The following SUN3 variants were observed in gnomAD, a reference collection of about 807,000 sequenced individuals.
The protein encoded by SUN3 is SUN domain-containing protein 3.
In SUN3, 36 loss-of-function variants were observed where a neutral mutation model predicts 48.2. That is an observed-to-expected ratio of 0.75 (90% confidence interval 0.57 to 0.99). SUN3 has a LOEUF of 0.99. Ranked by LOEUF, SUN3 falls within the 50% of genes least tolerant of loss-of-function variation. The pLI, the probability that SUN3 is intolerant of heterozygous loss-of-function variation, is 0.00. For missense variants in SUN3, 419 were observed against 433.1 expected, an observed-to-expected ratio of 0.97 and a Z score of 0.29; for synonymous variants, 148 against 147.9, an observed-to-expected ratio of 1.00 and a Z score of 0.00.
intron 5 of SUN3, among the ~76,000 whole-genome samples, chr7:48,006,254 C>T (rs1583761235): frequency 6.6e-6 from 1 of 152,140 alleles, no homozygotes. Context: ...TTCAGGAATA[C>T]GGTGTAAATA....
At chr7:48,009,391 A>G (rs1789620036) in intron 3 of SUN3, among the ~76,000 whole-genome samples, 1 of 152,154 alleles carries the variant, frequency 6.6e-6, no homozygotes, top group Admixed American at 6.5e-5. Context: ...GGAGGTTGGA[A>G]GAGGAAAAAA....
chr7:48,005,850 T>TCC (rs34145615), intron 6 of SUN3, 119 bp downstream of exon 6: 6,086 of 449,688 alleles, frequency 0.014, 370 homozygotes, highest in African/African-American at 0.12. Context: ...TTGATTAATT[T>TCC]CCCCCCCCCA....
rs900935800 is a variant in SUN3, at chr7:48,006,162, T to C, written c.493-109A>G. On this transcript the variant is annotated intron_variant, in intron 5 of 9. Transcript: ENST00000297325. ...CTAATTTGCAAAATTAGAATAGCAG[T>C]GAGCCCCTATCAGCTGCACTCTGAG... is the stretch of plus-strand genomic sequence containing the variant. 37 of 705,488 alleles carry C rather than the reference T, an allele frequency of 5.2e-5. 1 individual carries two copies. Among genetic ancestry groups the C allele is most frequent in the Non-Finnish European group, 8.9e-5 (36 of 405,382 alleles). The allele number at this position is 705,488 out of a possible 1,614,324, so 43.7% of individuals were successfully genotyped here.
At chr7:48,014,319 T>C (rs1427592469) in intron 3 of SUN3, among the ~76,000 whole-genome samples, 1 of 152,176 alleles carries the variant, frequency 6.6e-6, no homozygotes, top group Admixed American at 6.5e-5. Flanking sequence ...AAGGATGCCT[T>C]TTAAAAATGT....
At chr7:48,004,976 G>A (rs753943080) in intron 6 of SUN3, among the ~76,000 whole-genome samples, 11 of 152,196 alleles carry the variant, frequency 7.2e-5, no homozygotes, top group Non-Finnish European at 1.5e-4. Flanking sequence ...AACCAGAGCT[G>A]ACATTTGTTT....
chr7:48,025,520 G>A (rs1023306978), intron 2 of SUN3, among the ~76,000 whole-genome samples: 54 of 152,284 alleles, frequency 3.5e-4, no homozygotes, highest in African/African-American at 1.2e-3. Flanking sequence ...AGAGTCTCTG[G>A]TTGTCAAAAC....
Position 48,025,912 on chromosome 7 carries a change from A to G in SUN3, c.149T>C (p.Leu50Pro), listed in dbSNP as rs751926183. ...AAAAGTCAGTGTAAGCATTGTACTT[A>G]GAATAATCTTCCATGATCGAGTTAC... ...NGVTRSWKII[L>P]STMLTLTFLL... Residue 50 changes from leucine to proline, a missense_variant, in exon 2 of 10, where the codon CTA (leucine) becomes CCA (proline). Transcript: ENST00000297325. 8 of 1,603,130 alleles carry G rather than the reference A, an allele frequency of 5.0e-6. No individual in the cohort carries two copies. In the East Asian group the frequency reaches 1.6e-4, roughly 31 times the overall value.
chr7:47,995,740 C>G (rs2128771471), intron 7 of SUN3, among the ~76,000 whole-genome samples: 1 of 152,224 alleles, frequency 6.6e-6, no homozygotes, highest in East Asian at 1.9e-4. Flanking sequence ...GTCACAGAAT[C>G]AACTTACAGA....
upstream of SUN3, among the ~76,000 whole-genome samples, chr7:48,032,610 A>G (rs956753395): frequency 3.9e-5 from 6 of 152,230 alleles, no homozygotes; most frequent in African/African-American, 1.4e-4. Flanking sequence ...AATATATATC[A>G]AAAAAGGAAA....
the SUN3 span, among the ~76,000 whole-genome samples, chr7:48,034,888 T>C: frequency 6.6e-6 from 1 of 152,106 alleles, no homozygotes; most frequent in East Asian, 1.9e-4. Context: ...TCTCAAAAAA[T>C]AAGATATAAG....
chr7:48,016,329 A>G (rs1789812291), intron 3 of SUN3, among the ~76,000 whole-genome samples: 1 of 152,108 alleles, frequency 6.6e-6, no homozygotes, highest in Admixed American at 6.5e-5. Flanking sequence ...AGTAATAATA[A>G]AACTCCAGTA....
the SUN3 span, among the ~76,000 whole-genome samples, chr7:48,035,209 C>T: frequency 6.6e-6 from 1 of 152,198 alleles, no homozygotes; most frequent in Admixed American, 6.5e-5. This position sits in a 1 kb window ranked among gnomAD's most constrained non-coding sequence, Gnocchi z 4.0. Context: ...GCCAGAGCGG[C>T]ATGAGGAGGA....
chr7:47,991,355 C>T (rs1789053515), intron 8 of SUN3, among the ~76,000 whole-genome samples: 1 of 152,170 alleles, frequency 6.6e-6, no homozygotes, highest in South Asian at 2.1e-4. Context: ...AACGTGTTCA[C>T]CTTTCTGAGA....
chr7:48,030,484 T>C (rs1315720591), upstream of SUN3, among the ~76,000 whole-genome samples: 1 of 152,242 alleles, frequency 6.6e-6, no homozygotes, highest in Non-Finnish European at 1.5e-5. Flanking sequence ...ATATGTAATA[T>C]TTTATAGGTA....
chr7:48,016,388 C>G (rs143518083), intron 3 of SUN3, among the ~76,000 whole-genome samples: 248 of 152,284 alleles, frequency 1.6e-3, no homozygotes, highest in African/African-American at 5.7e-3. Context: ...GTTGCAATTC[C>G]CCTGTCTTGA....
chr7:47,998,064 G>A (rs1789260436), intron 6 of SUN3, among the ~76,000 whole-genome samples: 2 of 152,206 alleles, frequency 1.3e-5, no homozygotes, highest in African/African-American at 4.8e-5. Flanking sequence ...ATGTGAACAT[G>A]TTTCAATTTA....
chr7:48,001,783 G>A (rs1427349269), intron 6 of SUN3, among the ~76,000 whole-genome samples: 5 of 152,030 alleles, frequency 3.3e-5, no homozygotes, highest in African/African-American at 7.2e-5. Context: ...TGATCTGCCC[G>A]CCTCGGCCTC....
intron 6 of SUN3, among the ~76,000 whole-genome samples, chr7:47,999,832 G>A (rs1789311381): frequency 6.6e-6 from 1 of 152,210 alleles, no homozygotes; most frequent in African/African-American, 2.4e-5. Flanking sequence ...ACTGTGCCTG[G>A]CCTCCATTTT....
At chr7:47,998,345 T>A (rs2128772455) in intron 6 of SUN3, among the ~76,000 whole-genome samples, 1 of 152,346 alleles carries the variant, frequency 6.6e-6, no homozygotes, top group Middle Eastern at 3.4e-3. Flanking sequence ...TTCATATACT[T>A]TTTTGACATG....
Sources: gnomAD v4.1 joint callset for allele counts (sites outside exome capture counted in the v4.1 genomes callset) on GRCh38, gnomAD v4.1.1 for gene constraint, Gnocchi (gnomAD v3.1) non-coding constraint, MANE v1.5 for transcripts, NCBI Gene and HGNC (gene_info 2026-07-23, HGNC 2026-07-21) for gene names.